DYNC1H1: variants seen among roughly 807,000 people sequenced by gnomAD.
DYNC1H1 encodes the protein dynein cytoplasmic 1 heavy chain 1, also known as cytoplasmic dynein 1 heavy chain 1.
A neutral mutation model predicts 527.1 loss-of-function variants in DYNC1H1; 51 were observed. The ratio of observed to expected loss-of-function variants is 0.10; its 90% CI spans 0.08 to 0.12. The LOEUF (loss-of-function observed/expected upper bound fraction) is 0.12. Among genes scored for constraint, DYNC1H1 ranks in the 10% least tolerant of loss-of-function variants. The probability of loss-of-function intolerance (pLI) is 1.00; values close to 1 mark genes in which losing one functional copy is unlikely to be tolerated. For synonymous variants in DYNC1H1, 2,189 were observed against 2,278.8 expected, an observed-to-expected ratio of 0.96 and a Z score of 1.12; for missense variants, 2,771 against 5,971.8, an observed-to-expected ratio of 0.46 and a Z score of 17.66.
In DYNC1H1 at chr14:102,027,385, C is replaced by G. The variant is rs997524685; in HGVS notation, c.8889C>G (p.Val2963=). 6.2e-7 allele frequency: 1 copy of G among 1,613,928 alleles called. No homozygotes were observed. The highest frequency in any genetic ancestry group is 1.3e-5 in the African/African-American group (1 of 74,854). The change falls in exon 46 of 78, where the codon GTC becomes GTG. Residue 2963 remains valine (V), a splice_region_variant and synonymous_variant. Coordinates refer to ENST00000360184, the MANE Select transcript of DYNC1H1 (RefSeq NM_001376.5). The surrounding 1 kb of genome is among the most constrained non-coding windows in gnomAD (Gnocchi z 7.7). ...CTAACTTGCCTCTGCTTCTGTAGGTCCATAGGAAGTACACAGGGGAAGACT... is the reference window on the plus strand; with the variant it reads ...CTAACTTGCCTCTGCTTCTGTAGGTGCATAGGAAGTACACAGGGGAAGACT... The part of the protein sequence containing the change: ...MNGLSVYQIK[V]HRKYTGEDFD...
rs2048496696 is a variant in DYNC1H1 at position 102,030,354 on chromosome 14, T to C, written c.9883+72T>C. On this transcript the variant is annotated intron_variant, in intron 51 of 77. Transcript: ENST00000360184. ...CGTCAACATTACTGTGGAGTTCAGG[T>C]CACTGAACATTGCACATATGCTTCC... is the stretch of plus-strand genomic sequence containing the variant. 2.5e-6 allele frequency: 4 copies of C among 1,603,616 alleles called. 1 individual carries two copies. In the South Asian group the frequency reaches 4.4e-5, roughly 18 times the overall value.
In DYNC1H1 at chr14:102,001,670, C is replaced by G. The variant is rs1177087868; in HGVS notation, c.4531C>G (p.Pro1511Ala). ...CAGCGTCTCGGCCATGAAGCTCTCT[C>G]CGTATTACAAGGTGCTGTTGCTGGG... ...INSVSAMKLS[P>A]YYKVFEEDAL... Residue 1511 changes from proline to alanine, a missense_variant, in exon 21 of 78, where the codon CCG (proline) becomes GCG (alanine). Physicochemically the swap from Pro to Ala is conservative, Grantham distance 27. Coordinates refer to ENST00000360184, the MANE Select transcript of DYNC1H1 (RefSeq NM_001376.5). This position sits in a 1 kb window ranked among gnomAD's most constrained non-coding sequence, Gnocchi z 5.0. 6.2e-7 allele frequency: 1 copy of G among 1,614,018 alleles called. No homozygotes were observed. Among genetic ancestry groups the G allele is most frequent in the African/African-American group, 1.3e-5 (1 of 74,918 alleles).
rs538494719 is a variant in DYNC1H1, at chr14:102,048,323, C to A, written c.13219-193C>A. 3 of 816,880 alleles carry A rather than the reference C, an allele frequency of 3.7e-6. No homozygotes were observed. In the African/African-American group the frequency reaches 5.1e-5, roughly 14 times the overall value. The allele number at this position is 816,880 out of a possible 1,614,324, so 50.6% of individuals were successfully genotyped here. On this transcript the variant is annotated intron_variant, in intron 73 of 77. Coordinates refer to ENST00000360184, the MANE Select transcript of DYNC1H1 (RefSeq NM_001376.5). ...CGAGAGCTGCGACTCGGGCAGGGGC[C>A]TCAGCGGGTTTCTGAGCAGCCTCAG...
chr14:102,000,218 A>G (rs2048114574), intron 17 of DYNC1H1, 68 bp from the exon 18 acceptor site: 2 of 1,613,964 alleles, frequency 1.2e-6, no homozygotes, highest in Non-Finnish European at 1.7e-6. Context: ...GTTCATCCTC[A>G]GGGCCCTGCC....
At chr14:102,048,762 C>G in intron 74 of DYNC1H1, 93 bp downstream of exon 74, 2 of 1,465,300 alleles carry the variant, frequency 1.4e-6, no homozygotes, top group South Asian at 1.2e-5. Flanking sequence ...CACGTGCAGA[C>G]AGCCAGGCCT....
At position 102,053,850 on chromosome 14, in the gene DYNC1H1, G is replaced by A. The variant is rs2048849361; in HGVS notation, c.*3287G>A. 2 of 149,040 alleles carry A rather than the reference G, an allele frequency of 1.3e-5. No individual in the cohort carries two copies. 9.2% of individuals were successfully genotyped at this position (149,040 alleles called of 1,614,324 possible). A position where few individuals can be genotyped will look rare whatever the true frequency, so the allele number is the denominator to read the frequency against. On this transcript the variant is annotated 3_prime_UTR_variant, in exon 78 of 78. Coordinates refer to ENST00000360184, the MANE Select transcript of DYNC1H1 (RefSeq NM_001376.5). Reference sequence around the variant, plus strand: ...CAGCCTAGACCTCCTGGGCTTAAGTGATCCTCCCACCTCAGCCTCCCCAGA... The same window carrying A: ...CAGCCTAGACCTCCTGGGCTTAAGTAATCCTCCCACCTCAGCCTCCCCAGA...
chr14:101,978,288 C>T (rs770379587), intron 2 of DYNC1H1, among the ~76,000 whole-genome samples: 7 of 152,164 alleles, frequency 4.6e-5, no homozygotes, highest in Non-Finnish European at 1.0e-4. Flanking sequence ...CCGCCTGCCT[C>T]GGCCTCCCAA....
chr14:101,967,036 G>A (rs898067728), intron 1 of DYNC1H1, among the ~76,000 whole-genome samples: 3 of 152,152 alleles, frequency 2.0e-5, no homozygotes, highest in Non-Finnish European at 2.9e-5. Context: ...AATCCTTGAA[G>A]TATTTCTACC....
rs200027905 is a variant in DYNC1H1 at position 102,027,558 on chromosome 14, G to C, written c.9048+14G>C. On this transcript the variant is annotated intron_variant, in intron 46 of 77. Transcript: ENST00000360184. This position sits in a 1 kb window ranked among gnomAD's most constrained non-coding sequence, Gnocchi z 7.7. ...GCCAATGGAGAGGTAATTAGGTGAC[G>C]TGTTGCGTTGCATTACGTGTTACCG... The C allele has an allele frequency of 3.7e-6, 6 of 1,614,202 alleles. No individual in the cohort carries two copies. Among genetic ancestry groups the C allele is most frequent in the Non-Finnish European group, 5.1e-6 (6 of 1,180,042 alleles).
chr14:101,985,402 G>A lies in DYNC1H1; in HGVS notation c.1462-285G>A, dbSNP rs1173685465. Reference sequence around the variant, plus strand: ...TGCAGTGGCGTGATCTTGGCTCACTGCAACCTCTGCCTCCCGGGTTCAAGC... The same window carrying A: ...TGCAGTGGCGTGATCTTGGCTCACTACAACCTCTGCCTCCCGGGTTCAAGC... On this transcript the variant is annotated intron_variant, in intron 7 of 77. Coordinates refer to ENST00000360184, the MANE Select transcript of DYNC1H1 (RefSeq NM_001376.5). The surrounding 1 kb of genome is among the most constrained non-coding windows in gnomAD (Gnocchi z 5.9). Among the ~76,000 whole-genome samples, 1 of 151,972 alleles carries A rather than the reference G, an allele frequency of 6.6e-6. No individual in the cohort carries two copies. Among genetic ancestry groups the A allele is most frequent in the African/African-American group, 2.4e-5 (1 of 41,372 alleles).
chr14:102,016,647 A>C lies in DYNC1H1; in HGVS notation c.7615-119A>C. 1 of 1,537,576 alleles carries C rather than the reference A, an allele frequency of 6.5e-7. No individual in the cohort carries two copies. The highest frequency in any genetic ancestry group is 8.9e-7 in the Non-Finnish European group (1 of 1,124,112). On this transcript the variant is annotated intron_variant, in intron 37 of 77. Coordinates refer to ENST00000360184, the MANE Select transcript of DYNC1H1 (RefSeq NM_001376.5). The surrounding 1 kb of genome is among the most constrained non-coding windows in gnomAD (Gnocchi z 7.3). ...AGTTCCATGTGTTAGCAAAGAGTGCAGATTAACCTGACCAATTACTTCCTT... is the reference window on the plus strand; with the variant it reads ...AGTTCCATGTGTTAGCAAAGAGTGCCGATTAACCTGACCAATTACTTCCTT...
rs1403988127 is a variant in DYNC1H1, at chr14:102,012,596, T to C, written c.7014+126T>C. On this transcript the variant is annotated intron_variant, in intron 34 of 77. Coordinates refer to ENST00000360184, the MANE Select transcript of DYNC1H1 (RefSeq NM_001376.5). The surrounding 1 kb of genome is among the most constrained non-coding windows in gnomAD (Gnocchi z 4.9). Reference sequence around the variant, plus strand: ...CATGGAGTAGTGATCATTGTGTAAGTAATTTTCAAAGATAGCATCTCAACT... The same window carrying C: ...CATGGAGTAGTGATCATTGTGTAAGCAATTTTCAAAGATAGCATCTCAACT... The C allele has an allele frequency of 7.4e-7, 1 of 1,354,538 alleles. No homozygotes were observed. Among genetic ancestry groups the C allele is most frequent in the East Asian group, 2.3e-5 (1 of 43,474 alleles). The allele number at this position is 1,354,538 out of a possible 1,614,324, so 83.9% of individuals were successfully genotyped here.
At chr14:102,034,750 C>T (rs2048552299) in intron 56 of DYNC1H1, 2 of 474,582 alleles carry the variant, frequency 4.2e-6, no homozygotes, top group African/African-American at 3.9e-5. Flanking sequence ...ATGGTGAAAT[C>T]CTGTCTCTAC....
rs71116873 is a variant in DYNC1H1, at chr14:102,047,620, C to CGT, written c.13007-176_13007-175dup. The stretch of plus-strand genomic sequence containing the variant: ...ATATACACATATATGTATATATACA[C>CGT]GTGTGTGTGTGTGTGTGTGTGTATA... On this transcript the variant is annotated intron_variant, in intron 72 of 77. Coordinates refer to ENST00000360184, the MANE Select transcript of DYNC1H1 (RefSeq NM_001376.5). 5.3e-3 allele frequency: 1,708 copies of CGT among 322,012 alleles called. 12 individuals are homozygous for CGT. The highest frequency in any genetic ancestry group is 0.034 in the East Asian group (467 of 13,854). The allele number at this position is 322,012 out of a possible 1,614,324, so 19.9% of individuals were successfully genotyped here. A position where few individuals can be genotyped will look rare whatever the true frequency, so the allele number is the denominator to read the frequency against.
Position 101,970,986 on chromosome 14 carries a change from C to T in DYNC1H1, c.257-4726C>T, listed in dbSNP as rs577276411. On this transcript the variant is annotated intron_variant, in intron 1 of 77. Transcript: ENST00000360184. ...AGGGTGCAGGAGTTGGGCAGCCTCA[C>T]CTGGCACTTTACCAGTGTGCTTTGT... Among the ~76,000 whole-genome samples, 252 of 151,784 alleles carry T rather than the reference C, an allele frequency of 1.7e-3. 1 individual carries two copies. The highest frequency in any genetic ancestry group is 5.8e-3 in the African/African-American group (238 of 41,390).
At chr14:101,981,595 T>C (rs1306637197) in intron 5 of DYNC1H1, among the ~76,000 whole-genome samples, 1 of 152,236 alleles carries the variant, frequency 6.6e-6, no homozygotes, top group South Asian at 2.1e-4. Flanking sequence ...GCAGTTGTCA[T>C]GTTCTCACTT....
chr14:101,982,556 C>T (rs1046302681), intron 5 of DYNC1H1, among the ~76,000 whole-genome samples: 6 of 152,050 alleles, frequency 3.9e-5, no homozygotes, highest in Admixed American at 3.3e-4. Context: ...CACCCCACTG[C>T]ACTCCAGCTT....
intron 41 of DYNC1H1, among the ~76,000 whole-genome samples, chr14:102,019,520 C>T (rs1010381418): frequency 6.6e-6 from 1 of 152,174 alleles, no homozygotes; most frequent in African/African-American, 2.4e-5. Flanking sequence ...ATATTTAAAT[C>T]GTTAAATATA....
chr14:101,999,233 G>A (rs1361621241), intron 16 of DYNC1H1, among the ~76,000 whole-genome samples: 2 of 152,094 alleles, frequency 1.3e-5, no homozygotes, highest in Admixed American at 6.6e-5. Context: ...CTGGAGTGCA[G>A]TGACATGGTC....
Sources: gnomAD v4.1 joint callset for allele counts (sites outside exome capture counted in the v4.1 genomes callset) on GRCh38, gnomAD v4.1.1 for gene constraint, Gnocchi (gnomAD v3.1) non-coding constraint, MANE v1.5 for transcripts, NCBI Gene and HGNC (gene_info 2026-07-23, HGNC 2026-07-21) for gene names.